The following TDRD12 variants were observed in gnomAD, a reference collection of about 807,000 sequenced individuals.
TDRD12 encodes the protein tudor domain containing 12.
TDRD12 carries 158 observed loss-of-function variants against 133.5 expected under a neutral mutation model. The ratio of observed to expected loss-of-function variants is 1.18; its 90% CI spans 1.04 to 1.35. The LOEUF (loss-of-function observed/expected upper bound fraction) is 1.35, where lower values mean the gene tolerates loss of function less well. Ranked by LOEUF, TDRD12 falls within the 40% of genes most tolerant of loss-of-function variation. The probability of loss-of-function intolerance (pLI) is 0.00; values close to 1 mark genes in which losing one functional copy is unlikely to be tolerated. For missense variants in TDRD12, 1,443 were observed against 1,321.3 expected, an observed-to-expected ratio of 1.09 and a Z score of -1.43; for synonymous variants, 460 against 477.9, an observed-to-expected ratio of 0.96 and a Z score of 0.49.
chr19:32,826,972 C>T (rs989389983), intron 9 of TDRD12, among the ~76,000 whole-genome samples, 192 bp from the exon 33 acceptor site: 1 of 152,148 alleles, frequency 6.6e-6, no homozygotes, highest in Non-Finnish European at 1.5e-5. Context: ...TACAGATATT[C>T]TTCCTAGAAG....
chr19:32,774,223 G>A (rs1970517944), intron 10 of TDRD12, among the ~76,000 whole-genome samples: 1 of 152,140 alleles, frequency 6.6e-6, no homozygotes, highest in South Asian at 2.1e-4. Flanking sequence ...GTCATATGTT[G>A]TACTTTTACA....
intron 1 of TDRD12, among the ~76,000 whole-genome samples, chr19:32,725,979 G>C (rs1265706700): frequency 6.6e-6 from 1 of 151,832 alleles, no homozygotes; most frequent in Non-Finnish European, 1.5e-5. Context: ...TCAATTATTA[G>C]TTCTGGCATA....
intron 4 of TDRD12, among the ~76,000 whole-genome samples, chr19:32,743,950 C>T (rs1969511770): frequency 1.3e-5 from 2 of 151,022 alleles, no homozygotes; most frequent in South Asian, 2.1e-4. Flanking sequence ...ATTGCTTGAA[C>T]CCGGGAGGCA....
At chr19:32,813,997 G>C (rs114628342) in intron 25 of TDRD12, among the ~76,000 whole-genome samples, 1 of 152,194 alleles carries the variant, frequency 6.6e-6, no homozygotes, top group African/African-American at 2.4e-5. Flanking sequence ...CAGCGCACAC[G>C]TGCATTGTGT....
rs1398392881 is a variant in TDRD12, at chr19:32,800,474, G to C, written c.1950+116G>C. On this transcript the variant is annotated intron_variant, in intron 17 of 27. Coordinates refer to ENST00000444215, the Ensembl canonical transcript of TDRD12. Reference sequence around the variant, plus strand: ...CATGGCTTAGTATTAAACAATTACAGCTTTGATTTCATATATAAATTATGA... The same window carrying C: ...CATGGCTTAGTATTAAACAATTACACCTTTGATTTCATATATAAATTATGA... 4 of 1,004,770 alleles carry C rather than the reference G, an allele frequency of 4.0e-6. No homozygotes were observed. The African/African-American group carries it at 6.5e-5, about 16-fold the overall frequency. 62.2% of individuals were successfully genotyped at this position (1,004,770 alleles called of 1,614,324 possible).
intron 13 of TDRD12, among the ~76,000 whole-genome samples, 163 bp from the exon 14 acceptor site, chr19:32,794,465 G>A (rs1250560697): frequency 6.6e-6 from 1 of 152,118 alleles, no homozygotes; most frequent in Non-Finnish European, 1.5e-5. Context: ...TTTAATAGGA[G>A]GTTGGTACTG....
In TDRD12 at chr19:32,730,898, C is replaced by G. The variant is rs150673167; in HGVS notation, c.25-827C>G. Among the ~76,000 whole-genome samples the G allele has an allele frequency of 2.6e-3, 393 of 152,140 alleles. 2 individuals carry two copies. Among genetic ancestry groups the G allele is most frequent in the Admixed American group, 6.9e-3 (105 of 15,260 alleles). On this transcript the variant is annotated intron_variant, in intron 1 of 27. Transcript: ENST00000444215. ...AGCATTGTGGCGCACGCTTGTAATC[C>G]CGGCTACTCAGGAGACTTAGGCAGG... is the stretch of plus-strand genomic sequence containing the variant.
At chr19:32,822,747 A>C (rs1967445700), downstream of TDRD12, among the ~76,000 whole-genome samples, 1 of 26,376 alleles carries the variant, frequency 3.8e-5, no homozygotes, top group African/African-American at 3.2e-4. Context: ...ACTCCATCTC[A>C]AAAAAAAAAA....
chr19:32,787,576 C>T (rs1970943810), intron 11 of TDRD12, among the ~76,000 whole-genome samples: 2 of 152,336 alleles, frequency 1.3e-5, no homozygotes, highest in South Asian at 2.1e-4. Context: ...CGGTGGGCTC[C>T]ACCCAGTTTG....
rs1409865209 is a variant in TDRD12, at chr19:32,748,489, T to C, written c.454T>C (p.Trp152Arg). 5.2e-6 allele frequency: 8 copies of C among 1,551,752 alleles called. No homozygotes were observed. The highest frequency in any genetic ancestry group is 6.1e-6 in the Non-Finnish European group (7 of 1,146,922). Residue 152 changes from tryptophan (W) to arginine (R), a missense_variant, in exon 5 of 28, where the codon TGG becomes CGG. By Grantham distance (101) the Trp-to-Arg change is moderately radical (BLOSUM62 -3). Coordinates refer to ENST00000444215, the Ensembl canonical transcript of TDRD12. ...TCACTGTTCCAGACCTGCCAAGAAG[T>C]GGGACAATGCAGCTATTCAGTACTT...
rs1168223556 is a variant in TDRD12 at position 32,765,808 on chromosome 19, G to A, written c.866-6945G>A. Reference sequence around the variant, plus strand: ...AATGTTAAATGACAAGTTAATGGGTGCAGCACACCAACATGGCACATGTAT... The same window carrying A: ...AATGTTAAATGACAAGTTAATGGGTACAGCACACCAACATGGCACATGTAT... On this transcript the variant is annotated intron_variant, in intron 8 of 27. Coordinates refer to ENST00000444215, the Ensembl canonical transcript of TDRD12. Among the ~76,000 whole-genome samples, 10 of 151,598 alleles carry A rather than the reference G, an allele frequency of 6.6e-5. No individual in the cohort carries two copies. In the South Asian group the frequency reaches 2.1e-3, roughly 32 times the overall value.
At chr19:32,756,258 A>C (rs937596599) in intron 7 of TDRD12, 77 bp downstream of exon 7, 9 of 1,236,348 alleles carry the variant, frequency 7.3e-6, no homozygotes, top group Non-Finnish European at 9.5e-6. Context: ...TAAGTTGTAC[A>C]GACTTTTCCC....
intron 6 of TDRD12, among the ~76,000 whole-genome samples, chr19:32,752,949 C>T (rs10414476): frequency 0.23 from 34,505 of 151,718 alleles, 4,241 homozygotes; most frequent in African/African-American, 0.32. Flanking sequence ...CCCGCCACCA[C>T]GCCTGGCTAA....
At chr19:32,803,244 C>T in intron 21 of TDRD12, 102 bp downstream of exon 21, 1 of 894,102 alleles carries the variant, frequency 1.1e-6, no homozygotes, top group South Asian at 1.8e-5. Context: ...AAGCCACCAC[C>T]CACTCTGAGG....
chr19:32,824,945 C>G (rs1237801905), downstream of TDRD12, among the ~76,000 whole-genome samples: 1 of 152,224 alleles, frequency 6.6e-6, no homozygotes, highest in Non-Finnish European at 1.5e-5. Flanking sequence ...AACCTGGCCG[C>G]TTGCTCCCAG....
At chr19:32,741,766 G>A (rs1433389074) in intron 3 of TDRD12, among the ~76,000 whole-genome samples, 1 of 152,080 alleles carries the variant, frequency 6.6e-6, no homozygotes, top group Non-Finnish European at 1.5e-5. Flanking sequence ...GTGGTTTTTC[G>A]GCCAGGGGTG....
intron 3 of TDRD12, 128 bp downstream of exon 3, chr19:32,739,120 A>G: frequency 8.7e-7 from 1 of 1,146,638 alleles, no homozygotes; most frequent in Non-Finnish European, 1.2e-6. Context: ...GGAGTTCTTT[A>G]GCTTCCAGAA....
intron 8 of TDRD12, among the ~76,000 whole-genome samples, chr19:32,759,768 C>T (rs907350986): frequency 8.5e-5 from 13 of 152,166 alleles, no homozygotes; most frequent in African/African-American, 3.1e-4. Context: ...AATTCCCTTT[C>T]TAGGTCAAAT....
downstream of TDRD12, among the ~76,000 whole-genome samples, chr19:32,823,883 C>T (rs1020585943): frequency 3.3e-5 from 5 of 152,334 alleles, no homozygotes; most frequent in African/African-American, 4.8e-5. Flanking sequence ...GCCCTGCTAC[C>T]GGCCCATTTG....
Sources: allele counts gnomAD v4.1 joint callset (sites outside exome capture counted in the v4.1 genomes callset), GRCh38; gene constraint gnomAD v4.1.1; transcripts MANE v1.5; gene names NCBI Gene and HGNC (gene_info 2026-07-23, HGNC 2026-07-21).